RGS22: variants seen among roughly 807,000 people sequenced by gnomAD.
The protein encoded by RGS22 is regulator of G protein signaling 22, also known as regulator of G-protein signaling 22.
A neutral mutation model predicts 172.9 loss-of-function variants in RGS22; 148 were observed. The observed-to-expected ratio is 0.86, with a 90% CI of 0.75 to 0.98. The LOEUF is 0.98. RGS22 is among the 50% of genes least tolerant of loss of function. The probability of loss-of-function intolerance (pLI) is 0.00; values close to 1 mark genes in which losing one functional copy is unlikely to be tolerated. For missense variants in RGS22, 1,347 were observed against 1,440.8 expected (o/e 0.93, Z 1.05); for synonymous variants, 458 against 480.2 (o/e 0.95, Z 0.60).
intron 13 of RGS22, 82 bp from the exon 14 acceptor site, chr8:100,039,114 T>G (rs1819825098): frequency 4.6e-6 from 3 of 656,944 alleles, no homozygotes; most frequent in Non-Finnish European, 7.4e-6. Context: ...TATAAGTAAC[T>G]GTTTAGCTCC....
At chr8:100,053,057 T>A in intron 9 of RGS22, 81 bp from the exon 10 acceptor site, 3 of 1,257,024 alleles carry the variant, frequency 2.4e-6, no homozygotes, top group Non-Finnish European at 3.4e-6. Flanking sequence ...ACATAATAGC[T>A]GTGCTCACAA....
At chr8:100,089,211 A>AACACACACACACACACAC (rs58302018) in intron 3 of RGS22, among the ~76,000 whole-genome samples, 41 of 144,612 alleles carry the variant, frequency 2.8e-4, no homozygotes, top group African/African-American at 1.0e-3. Flanking sequence ...CACACACACA[A>AACACACACACACACACAC]ACACACACAC....
rs1414844809 is a variant in RGS22, at chr8:100,072,160, C to G, written c.410G>C (p.Cys137Ser). ...ERLPAFLESDCYFEYRLAKLV... is the reference protein window; with the variant it reads ...ERLPAFLESDSYFEYRLAKLV... ...ACTATAGTACCTGTATTCAAAGTAA[C>G]AATCACTTTCCAGAAATGCTGGAAG... Residue 137 changes from cysteine to serine, a missense_variant, in exon 5 of 28, where the codon TGT becomes TCT. Coordinates refer to ENST00000360863, the MANE Select transcript of RGS22 (RefSeq NM_015668.5). The G allele has an allele frequency of 1.3e-6, 2 of 1,592,924 alleles. No individual in the cohort carries two copies. The highest frequency in any genetic ancestry group is 1.7e-6 in the Non-Finnish European group (2 of 1,166,034).
intron 23 of RGS22, among the ~76,000 whole-genome samples, chr8:99,971,144 A>G (rs1277472979): frequency 6.6e-6 from 1 of 152,250 alleles, no homozygotes; most frequent in African/African-American, 2.4e-5. Flanking sequence ...TTATCTCAAT[A>G]GATGCAGAAA....
intron 14 of RGS22, among the ~76,000 whole-genome samples, chr8:100,029,671 C>G (rs1254139940): frequency 6.9e-6 from 1 of 144,706 alleles, no homozygotes; most frequent in Admixed American, 7.1e-5. Context: ...CCATTGGACT[C>G]CAGCCTGGGC....
rs1194997358 is a variant in RGS22, at chr8:100,042,035, G to C, written c.1824-119C>G. 1.9e-5 allele frequency: 11 copies of C among 584,722 alleles called. No individual in the cohort carries two copies. In the East Asian group the frequency reaches 2.4e-4, roughly 13 times the overall value. The allele number at this position is 584,722 out of a possible 1,614,324, so 36.2% of individuals were successfully genotyped here. On this transcript the variant is annotated intron_variant, in intron 11 of 27. Transcript: ENST00000360863. ...TCTCAAGAGTACTTCTGAGCAATGT[G>C]ACTCAGGAAAAAAAGGATAAACATC...
chr8:99,979,981 A>G lies in RGS22; in HGVS notation c.3361-1906T>C, dbSNP rs185122754. ...AGTAAGGGCCACTTATGAAACTACAATTATTTCAATTAGACTAGGGCAGAG... is the reference window on the plus strand; with the variant it reads ...AGTAAGGGCCACTTATGAAACTACAGTTATTTCAATTAGACTAGGGCAGAG... On this transcript the variant is annotated intron_variant, in intron 22 of 27. Transcript: ENST00000360863. Among the ~76,000 whole-genome samples, 497 of 152,324 alleles carry G rather than the reference A, an allele frequency of 3.3e-3. 2 individuals carry two copies. Among genetic ancestry groups the G allele is most frequent in the African/African-American group, 0.011 (464 of 41,578 alleles).
chr8:100,096,671 A>ATTTTT (rs74275402), intron 2 of RGS22, among the ~76,000 whole-genome samples: 1 of 138,050 alleles, frequency 7.2e-6, no homozygotes, highest in Non-Finnish European at 1.5e-5. Context: ...TTTAAAAAAA[A>ATTTTT]TTTTTTTTTT....
At chr8:99,962,591 C>A in intron 26 of RGS22, 96 bp downstream of exon 26, 2 of 1,414,766 alleles carry the variant, frequency 1.4e-6, no homozygotes, top group Non-Finnish European at 2.0e-6. Context: ...TCGGTCCTCA[C>A]CCCTTCCTCC....
At chr8:100,013,794 A>T (rs1816668264) in intron 14 of RGS22, among the ~76,000 whole-genome samples, 2 of 152,152 alleles carry the variant, frequency 1.3e-5, no homozygotes, top group African/African-American at 4.8e-5. Flanking sequence ...ATCATGCACC[A>T]GCTGCTTTAT....
At position 100,051,695 on chromosome 8, in the gene RGS22, A is replaced by G. The variant is rs377181207; in HGVS notation, c.1689+1107T>C. ...TATATGTTTATACATATATATATTT[A>G]TATATACGTATATATAAATATATAT... On this transcript the variant is annotated intron_variant, in intron 10 of 27. Coordinates refer to ENST00000360863, the MANE Select transcript of RGS22 (RefSeq NM_015668.5). Among the ~76,000 whole-genome samples the G allele has an allele frequency of 4.8e-4, 21 of 43,988 alleles. 9 individuals are homozygous for G. Among genetic ancestry groups the G allele is most frequent in the African/African-American group, 3.2e-3 (21 of 6,500 alleles). 28.9% of individuals were successfully genotyped at this position (43,988 alleles called of 152,430 possible).
intron 21 of RGS22, among the ~76,000 whole-genome samples, chr8:99,985,932 G>A (rs573088908): frequency 6.6e-6 from 1 of 151,868 alleles, no homozygotes; most frequent in Non-Finnish European, 1.5e-5. Flanking sequence ...ATTATCTATT[G>A]TGGAAAACAC....
At chr8:99,970,531 A>G (rs1383223754) in intron 23 of RGS22, among the ~76,000 whole-genome samples, 1 of 152,224 alleles carries the variant, frequency 6.6e-6, no homozygotes, top group East Asian at 1.9e-4. Context: ...ATGCAATTAA[A>G]AATGATAAAG....
At chr8:100,052,106 A>AAC (rs1821651885) in intron 10 of RGS22, among the ~76,000 whole-genome samples, 44 of 46,106 alleles carry the variant, frequency 9.5e-4, no homozygotes, top group Non-Finnish European at 1.4e-3. Context: ...TTTATATATA[A>AAC]ATGTTTATAT....
At chr8:100,073,997 T>C (rs961413988) in intron 4 of RGS22, among the ~76,000 whole-genome samples, 1 of 152,032 alleles carries the variant, frequency 6.6e-6, no homozygotes, top group African/African-American at 2.4e-5. Flanking sequence ...AACCATAAAA[T>C]AACTTAATAA....
Position 100,105,365 on chromosome 8 carries a change from G to T in RGS22, c.54+9C>A, listed in dbSNP as rs1456266110. The T allele has an allele frequency of 6.2e-7, 1 of 1,603,576 alleles. No individual in the cohort carries two copies. Among genetic ancestry groups the T allele is most frequent in the Non-Finnish European group, 8.5e-7 (1 of 1,170,900 alleles). ...AAAGAAAAAAATAGCCCCTTGAAAT[G>T]ATACTTACAAATTCTTCTTCTGTAA... is the stretch of plus-strand genomic sequence containing the variant. On this transcript the variant is annotated intron_variant, in intron 2 of 27. Coordinates refer to ENST00000360863, the MANE Select transcript of RGS22 (RefSeq NM_015668.5).
intron 3 of RGS22, among the ~76,000 whole-genome samples, chr8:100,089,949 C>T (rs940814087): frequency 2.0e-5 from 3 of 152,066 alleles, no homozygotes; most frequent in Non-Finnish European, 4.4e-5. Context: ...CTGGAACTTG[C>T]AACTTTTCAT....
intron 12 of RGS22, among the ~76,000 whole-genome samples, chr8:100,041,005 A>T (rs1820041319): frequency 6.6e-6 from 1 of 152,236 alleles, no homozygotes; most frequent in South Asian, 2.1e-4. Context: ...AAAGAAATGG[A>T]GTACTATTTG....
At chr8:100,016,035 T>G (rs1474736185) in intron 14 of RGS22, among the ~76,000 whole-genome samples, 1 of 152,232 alleles carries the variant, frequency 6.6e-6, no homozygotes, top group African/African-American at 2.4e-5. Context: ...ATTATATGGT[T>G]CCTCTATATT....
Sources: gnomAD v4.1 joint callset for allele counts (sites outside exome capture counted in the v4.1 genomes callset) on GRCh38, gnomAD v4.1.1 for gene constraint, MANE v1.5 for transcripts, NCBI Gene and HGNC (gene_info 2026-07-23, HGNC 2026-07-21) for gene names.